The following ERLEC1 variants were observed in gnomAD, a reference collection of about 807,000 sequenced individuals.
The protein encoded by ERLEC1 is ER lectin.
A neutral mutation model predicts 68.0 loss-of-function variants in ERLEC1; 47 were observed. The observed-to-expected ratio is 0.69, with a 90% CI of 0.55 to 0.88. ERLEC1 has a LOEUF of 0.88. Among genes scored for constraint, ERLEC1 ranks in the 40% least tolerant of loss-of-function variants. ERLEC1 has a pLI of 0.00. For missense variants in ERLEC1, 567 were observed against 583.8 expected, an observed-to-expected ratio of 0.97 and a Z score of 0.30; for synonymous variants, 225 against 203.2, an observed-to-expected ratio of 1.11 and a Z score of -0.91.
intron 3 of ERLEC1, 150 bp from the exon 4 acceptor site, chr2:53,797,365 T>A: frequency 1.7e-6 from 1 of 576,554 alleles, no homozygotes; most frequent in Non-Finnish European, 3.0e-6. Context: ...CTTCAGAAAT[T>A]TCACATTTTT....
At chr2:53,792,741 G>A (rs1160878522) in intron 1 of ERLEC1, among the ~76,000 whole-genome samples, 4 of 152,196 alleles carry the variant, frequency 2.6e-5, no homozygotes, top group Non-Finnish European at 5.9e-5. Context: ...TGTTAGGCCA[G>A]GGCAGTGGCT....
At chr2:53,805,836 C>T (rs761169381) in intron 8 of ERLEC1, among the ~76,000 whole-genome samples, 2 of 152,086 alleles carry the variant, frequency 1.3e-5, no homozygotes, top group Non-Finnish European at 2.9e-5. Flanking sequence ...GGATAAAAGC[C>T]GTTTTAACTG....
Position 53,798,943 on chromosome 2 carries a change from C to G in ERLEC1, c.491-104C>G, listed in dbSNP as rs536006799. On this transcript the variant is annotated intron_variant, in intron 5 of 13. Coordinates refer to ENST00000185150, the MANE Select transcript of ERLEC1 (RefSeq NM_015701.5). Reference sequence around the variant, plus strand: ...GATAAAAATCATATGTGTTTTGGACCTTCTTTAGAAAGAAGATTAAGGTTA... The same window carrying G: ...GATAAAAATCATATGTGTTTTGGACGTTCTTTAGAAAGAAGATTAAGGTTA... 1.5e-5 allele frequency: 14 copies of G among 918,814 alleles called. No homozygotes were observed. In the South Asian group the frequency reaches 2.9e-4, roughly 19 times the overall value. The allele number at this position is 918,814 out of a possible 1,614,324, so 56.9% of individuals were successfully genotyped here.
Position 53,812,971 on chromosome 2 carries a change from C to T in ERLEC1, c.1124C>T (p.Ser375Phe), listed in dbSNP as rs775109199. Residue 375 changes from serine (S) to phenylalanine (F), a missense_variant, in exon 11 of 14, where the codon TCT becomes TTT. Coordinates refer to ENST00000185150, the MANE Select transcript of ERLEC1 (RefSeq NM_015701.5). ...YHEDKDSGKTSVVVGTWNQEE... is the reference protein window; with the variant it reads ...YHEDKDSGKTFVVVGTWNQEE... ...TAGGACAAGGATAGTGGGAAAACCT[C>T]TGTGGTTGTCGGGACATGGAACCAA... The T allele has an allele frequency of 2.5e-6, 4 of 1,613,052 alleles. No homozygotes were observed. Among genetic ancestry groups the T allele is most frequent in the South Asian group, 2.2e-5 (2 of 90,732 alleles).
Position 53,814,807 on chromosome 2 carries a change from G to A in ERLEC1, c.1305-53G>A, listed in dbSNP as rs1676776530. On this transcript the variant is annotated intron_variant, in intron 12 of 13. Coordinates refer to ENST00000185150, the MANE Select transcript of ERLEC1 (RefSeq NM_015701.5). The stretch of plus-strand genomic sequence containing the variant: ...ATTTTTAAGAGTACAGTTATTAACA[G>A]TGATCTTACTTTAAATGATTTGGAC... 5 of 1,352,246 alleles carry A rather than the reference G, an allele frequency of 3.7e-6. No individual in the cohort carries two copies. In the Admixed American group the frequency reaches 5.4e-5, roughly 15 times the overall value. 83.8% of individuals were successfully genotyped at this position (1,352,246 alleles called of 1,614,324 possible).
intron 11 of ERLEC1, among the ~76,000 whole-genome samples, chr2:53,813,429 C>T (rs571035607): frequency 3.3e-5 from 5 of 152,106 alleles, no homozygotes; most frequent in Non-Finnish European, 7.4e-5. Context: ...CAATAGCATG[C>T]AATAAACCTG....
At chr2:53,814,708 G>A (rs1676770909) in intron 12 of ERLEC1, 88 bp downstream of exon 12, 1 of 1,020,978 alleles carries the variant, frequency 9.8e-7, no homozygotes, top group South Asian at 1.5e-5. Context: ...GTATAATTAT[G>A]AATAATTATG....
At chr2:53,802,851 C>A (rs1032411147) in intron 8 of ERLEC1, among the ~76,000 whole-genome samples, 1 of 152,176 alleles carries the variant, frequency 6.6e-6, no homozygotes, top group Non-Finnish European at 1.5e-5. Context: ...CCTGCCTCAG[C>A]CTTTCAAAGT....
chr2:53,814,803 A>G (rs1676775975), intron 12 of ERLEC1, 57 bp from the exon 13 acceptor site: 1 of 1,322,498 alleles, frequency 7.6e-7, no homozygotes, highest in African/African-American at 1.5e-5. Context: ...TACAGTTATT[A>G]ACAGTGATCT....
intron 2 of ERLEC1, among the ~76,000 whole-genome samples, chr2:53,795,417 C>T (rs1246187922): frequency 6.6e-6 from 1 of 152,100 alleles, no homozygotes; most frequent in East Asian, 1.9e-4. Flanking sequence ...GATTTGAAAT[C>T]AAAGACCACT....
At chr2:53,815,764 G>A (rs1388717718) in intron 13 of ERLEC1, among the ~76,000 whole-genome samples, 1 of 151,802 alleles carries the variant, frequency 6.6e-6, no homozygotes, top group African/African-American at 2.4e-5. Flanking sequence ...CATAGTATTT[G>A]TATATGTTTA....
intron 1 of ERLEC1, among the ~76,000 whole-genome samples, chr2:53,791,387 A>G (rs924354799): frequency 3.3e-5 from 5 of 152,208 alleles, no homozygotes. Context: ...TAAGTTTTTT[A>G]TACTATCTAA....
chr2:53,804,704 T>C (rs536028691), intron 8 of ERLEC1, among the ~76,000 whole-genome samples: 68 of 152,298 alleles, frequency 4.5e-4, no homozygotes, highest in South Asian at 1.0e-3. Flanking sequence ...TTTAGTATTA[T>C]TGACTATAGT....
chr2:53,799,835 C>T (rs1444517283), intron 6 of ERLEC1, among the ~76,000 whole-genome samples: 1 of 152,112 alleles, frequency 6.6e-6, no homozygotes, highest in Non-Finnish European at 1.5e-5. Context: ...AGCAGAGACA[C>T]ACATAGCATT....
At chr2:53,797,923 G>A (rs551440105) in intron 5 of ERLEC1, 128 bp downstream of exon 5, 22 of 850,158 alleles carry the variant, frequency 2.6e-5, no homozygotes, top group South Asian at 4.5e-5. Context: ...TAGGCTGGGC[G>A]CGGTGGCTGA....
rs776696511 is a variant in ERLEC1 at position 53,801,672 on chromosome 2, T to G, written c.750-41T>G. ...CATAAAATGCACACATGCTTTAAAG[T>G]GTTCTGTGCATAGCTTTAATGCTTT... On this transcript the variant is annotated intron_variant, in intron 7 of 13. Transcript: ENST00000185150. 48 of 1,612,618 alleles carry G rather than the reference T, an allele frequency of 3.0e-5. No homozygotes were observed. In the South Asian group the frequency reaches 4.7e-4, roughly 16 times the overall value.
intron 10 of ERLEC1, among the ~76,000 whole-genome samples, chr2:53,811,011 G>A (rs1402141171): frequency 6.6e-6 from 1 of 151,942 alleles, no homozygotes; most frequent in East Asian, 1.9e-4. Flanking sequence ...TTTAACTACT[G>A]TTAACATTTT....
At chr2:53,816,070 TCCTCCCACCTTTG>T (rs1411784784) in intron 13 of ERLEC1, among the ~76,000 whole-genome samples, 1 of 152,074 alleles carries the variant, frequency 6.6e-6, no homozygotes, top group Non-Finnish European at 1.5e-5. Flanking sequence ...ACTCAAGCAA[TCCTCCCACCTTTG>T]CCTCCCAAAG....
chr2:53,813,191 G>A (rs1676685057), intron 11 of ERLEC1, 118 bp downstream of exon 11: 3 of 1,211,302 alleles, frequency 2.5e-6, no homozygotes, highest in South Asian at 1.4e-5. Context: ...TTTTTTCAAG[G>A]GATATCTTTT....
Sources: allele counts gnomAD v4.1 joint callset (sites outside exome capture counted in the v4.1 genomes callset), GRCh38; gene constraint gnomAD v4.1.1; transcripts MANE v1.5; gene names NCBI Gene and HGNC (gene_info 2026-07-23, HGNC 2026-07-21).